Variants in SPRY3 observed in about 807,000 individuals in gnomAD.
The protein encoded by SPRY3 is sprouty RTK signaling antagonist 3.
In SPRY3, 15 loss-of-function variants were observed where a neutral mutation model predicts 20.2. The ratio of observed to expected loss-of-function variants is 0.74; its 90% CI spans 0.50 to 1.14. SPRY3 has a LOEUF of 1.14. Ranked by LOEUF, SPRY3 falls within the 50% of genes most tolerant of loss-of-function variation. The pLI is 0.00. For missense variants in SPRY3, 364 were observed against 363.9 expected (o/e 1.00, Z 0.00); for synonymous variants, 143 against 136.5 (o/e 1.05, Z -0.33).
intron 2 of SPRY3, among the ~76,000 whole-genome samples, chrX:155,680,768 A>G (rs1010295012): frequency 1.8e-5 from 2 of 111,887 alleles, no homozygotes; most frequent in Non-Finnish European, 3.8e-5. Flanking sequence ...ATTTTTTCCA[A>G]CAGCATGTGC....
At chrX:155,616,392 A>G (rs1394632301) in intron 1 of SPRY3, among the ~76,000 whole-genome samples, 1 of 110,624 alleles carries the variant, frequency 9.0e-6, no homozygotes, top group Non-Finnish European at 1.9e-5. Flanking sequence ...AGGAGATTAC[A>G]GTACAGCTCT....
intron 2 of SPRY3, chrX:155,767,738 G>C (rs188115936): frequency 1.7e-5 from 1 of 57,268 alleles, no homozygotes; most frequent in Non-Finnish European, 3.2e-5. Flanking sequence ...GAGGAGGAGA[G>C]AGAGGAGGAG....
exon 4 of SPRY3, chrX:155,775,971 G>T (rs2091422753): frequency 6.0e-6 from 1 of 167,100 alleles, no homozygotes; most frequent in African/African-American, 2.4e-5. Flanking sequence ...GGTAGGAAGG[G>T]ACTTGCCCCC....
chrX:155,648,341 T>C (rs1470251735), intron 1 of SPRY3, among the ~76,000 whole-genome samples: 1 of 112,936 alleles, frequency 8.9e-6, no homozygotes, highest in Non-Finnish European at 1.9e-5. Context: ...TTGTTACCGT[T>C]GCTTTTGGTG....
chrX:155,680,216 G>T (rs586454), intron 2 of SPRY3, among the ~76,000 whole-genome samples: 23,851 of 91,718 alleles, frequency 0.26, 2,571 homozygotes, highest in African/African-American at 0.45. Context: ...GAGAGAGAGA[G>T]AGAAGAGAAG....
chrX:155,740,298 A>G (rs1163251243), intron 2 of SPRY3, among the ~76,000 whole-genome samples: 3 of 152,140 alleles, frequency 2.0e-5, no homozygotes, highest in Non-Finnish European at 4.4e-5. Flanking sequence ...AGAACAGAAT[A>G]ACAGCAATTT....
chrX:155,731,100 G>A (rs1239507671), intron 2 of SPRY3, among the ~76,000 whole-genome samples: 10 of 152,036 alleles, frequency 6.6e-5, no homozygotes, highest in Non-Finnish European at 1.2e-4. Flanking sequence ...GCAATCTACA[G>A]ATTCATAGCA....
At chrX:155,694,656 G>A (rs1308503559) in intron 2 of SPRY3, among the ~76,000 whole-genome samples, 2 of 111,862 alleles carry the variant, frequency 1.8e-5, no homozygotes, top group African/African-American at 6.5e-5. Flanking sequence ...GGAGCCTTGA[G>A]CATGTTTTCC....
chrX:155,711,822 T>G (rs2090988970), intron 2 of SPRY3, among the ~76,000 whole-genome samples: 1 of 151,512 alleles, frequency 6.6e-6, no homozygotes, highest in South Asian at 2.1e-4. Context: ...TTTCTTCTTT[T>G]TTGTTGTAGG....
At chrX:155,781,215 A>C (rs189469495), downstream of SPRY3, 203 of 167,052 alleles carry the variant, frequency 1.2e-3, no homozygotes, top group African/African-American at 4.6e-3. Context: ...CTTCTAGGAC[A>C]TGCTCCATAG....
intron 2 of SPRY3, among the ~76,000 whole-genome samples, chrX:155,669,598 T>A (rs1003542025): frequency 1.8e-5 from 2 of 111,514 alleles, no homozygotes; most frequent in African/African-American, 6.5e-5. Flanking sequence ...TGATGTATTA[T>A]AAAATAAGCT....
At chrX:155,668,316 A>G (rs978259913) in intron 2 of SPRY3, among the ~76,000 whole-genome samples, 5 of 111,222 alleles carry the variant, frequency 4.5e-5, no homozygotes, top group African/African-American at 1.6e-4. Context: ...AAAAGAGTAC[A>G]TACCGTGTTA....
At chrX:155,724,945 G>A (rs758081870) in intron 2 of SPRY3, among the ~76,000 whole-genome samples, 118 of 152,258 alleles carry the variant, frequency 7.7e-4, no homozygotes, top group African/African-American at 2.7e-3. Context: ...GTATGATATT[G>A]GCTATGGGTT....
intron 2 of SPRY3, among the ~76,000 whole-genome samples, chrX:155,719,396 G>T (rs1374500697): frequency 4.6e-5 from 7 of 152,112 alleles, no homozygotes; most frequent in Non-Finnish European, 1.0e-4. Flanking sequence ...AGGCCACAAG[G>T]ACAGCAACCT....
intron 1 of SPRY3, among the ~76,000 whole-genome samples, chrX:155,645,488 A>T (rs1222979449): frequency 9.2e-6 from 1 of 108,677 alleles, no homozygotes; most frequent in Admixed American, 9.9e-5. Context: ...TCAAGTTCTG[A>T]CTACTGGGAT....
At chrX:155,778,901 G>A (rs1225682108), downstream of SPRY3, 4 of 166,968 alleles carry the variant, frequency 2.4e-5, no homozygotes, top group African/African-American at 9.7e-5. Context: ...AAAAAATAGA[G>A]TTTGAAGCAA....
At chrX:155,694,009 T>A (rs2068111154) in intron 2 of SPRY3, among the ~76,000 whole-genome samples, 1 of 112,036 alleles carries the variant, frequency 8.9e-6, no homozygotes, top group South Asian at 3.7e-4. Flanking sequence ...CTTGCTATGT[T>A]GCCCAGGCTG....
chrX:155,662,699 A>C (rs973725263), intron 2 of SPRY3, among the ~76,000 whole-genome samples: 5 of 109,061 alleles, frequency 4.6e-5, no homozygotes, highest in African/African-American at 1.3e-4. Context: ...AAAAAAAAAA[A>C]AAAACTCTAC....
intron 2 of SPRY3, among the ~76,000 whole-genome samples, chrX:155,750,232 T>C (rs1443887938): frequency 6.6e-6 from 1 of 151,692 alleles, no homozygotes; most frequent in African/African-American, 2.4e-5. Context: ...AAACATTGGG[T>C]ACACATGAAC....
Sources: gnomAD v4.1 joint callset for allele counts (sites outside exome capture counted in the v4.1 genomes callset) on GRCh38, gnomAD v4.1.1 for gene constraint, MANE v1.5 for transcripts, NCBI Gene and HGNC (gene_info 2026-07-23, HGNC 2026-07-21) for gene names.